The following HNRNPA1L2 variants were observed in gnomAD, a reference collection of about 807,000 sequenced individuals.
The protein encoded by HNRNPA1L2 is heterogeneous nuclear ribonucleoprotein A1 like 2.
HNRNPA1L2 carries 10 observed loss-of-function variants against 18.2 expected under a neutral mutation model. The ratio of observed to expected loss-of-function variants is 0.55; its 90% CI spans 0.34 to 0.93. The LOEUF is 0.93. Among genes scored for constraint, HNRNPA1L2 ranks in the 40% least tolerant of loss-of-function variants. The pLI is 0.02. For missense variants in HNRNPA1L2, 308 were observed against 394.4 expected (o/e 0.78, Z 1.85); for synonymous variants, 124 against 138.6 (o/e 0.89, Z 0.74).
At chr13:52,641,839 G>T (rs1961667018), upstream of HNRNPA1L2, 1 of 152,150 alleles carries the variant, frequency 6.6e-6, no homozygotes, top group Non-Finnish European at 1.5e-5. Context: ...GAAGCAAACA[G>T]AAAAACCCAA....
At chr13:52,625,258 G>C in the HNRNPA1L2 span, among the ~76,000 whole-genome samples, 498 of 151,880 alleles carry the variant, frequency 3.3e-3, 3 homozygotes, top group African/African-American at 0.011. Context: ...GGGATTACAG[G>C]TGCACTCCAC....
the HNRNPA1L2 span, among the ~76,000 whole-genome samples, chr13:52,623,601 A>G: frequency 2.0e-5 from 3 of 152,200 alleles, no homozygotes; most frequent in Non-Finnish European, 2.9e-5. Context: ...GTGTCTTTTA[A>G]TGATTTTTGC....
the HNRNPA1L2 span, among the ~76,000 whole-genome samples, chr13:52,621,760 G>A: frequency 6.6e-6 from 1 of 152,096 alleles, no homozygotes; most frequent in Non-Finnish European, 1.5e-5. Flanking sequence ...GCAAAATGGA[G>A]ACCTTAGGGA....
chr13:52,620,935 ATCAGCT>A, the HNRNPA1L2 span, among the ~76,000 whole-genome samples: 22 of 152,330 alleles, frequency 1.4e-4, no homozygotes, highest in African/African-American at 5.3e-4. Flanking sequence ...GCTGTAGCAC[ATCAGCT>A]TCATATAAGT....
upstream of HNRNPA1L2, chr13:52,641,808 T>C (rs1961666230): frequency 6.6e-6 from 1 of 152,180 alleles, no homozygotes; most frequent in Non-Finnish European, 1.5e-5. Flanking sequence ...GCAATTAGAA[T>C]AAGAATGTTT....
the HNRNPA1L2 span, among the ~76,000 whole-genome samples, chr13:52,622,929 T>C: frequency 2.0e-5 from 3 of 152,158 alleles, no homozygotes; most frequent in African/African-American, 7.2e-5. Context: ...GGTGTGTGGC[T>C]TTAGGATACC....
chr13:52,643,124 G>C lies in HNRNPA1L2; in HGVS notation c.632G>C (p.Gly211Ala). 6.3e-7 allele frequency: 1 copy of C among 1,597,996 alleles called. No individual in the cohort carries two copies. The highest frequency in any genetic ancestry group is 2.1e-4 in the Middle Eastern group (1 of 4,762). ...NFGGGRGDGF[G>A]GNDNFGRGGN... Reference sequence around the variant, plus strand: ...GGTGGTGGTCGTGGAGATGGTTTCGGTGGGAATGACAACTTTGGTCGTGGA... The same window carrying C: ...GGTGGTGGTCGTGGAGATGGTTTCGCTGGGAATGACAACTTTGGTCGTGGA... The change falls in exon 1 of 1, where the codon GGT becomes GCT. Residue 211 changes from glycine to alanine, a missense_variant. Coordinates refer to ENST00000357495, the MANE Select transcript of HNRNPA1L2 (RefSeq NM_001389320.1).
the HNRNPA1L2 span, among the ~76,000 whole-genome samples, chr13:52,619,919 C>CAAAAAAAAAAAAA: frequency 2.9e-5 from 2 of 69,148 alleles, no homozygotes; most frequent in African/African-American, 5.6e-5. Flanking sequence ...GATTCCGTCT[C>CAAAAAAAAAAAAA]AAAAAAAAAA....
At chr13:52,626,536 T>G in the HNRNPA1L2 span, among the ~76,000 whole-genome samples, 2 of 152,154 alleles carry the variant, frequency 1.3e-5, no homozygotes, top group African/African-American at 4.8e-5. Flanking sequence ...TTTTAAAAGC[T>G]TTTTCTTATG....
upstream of HNRNPA1L2, among the ~76,000 whole-genome samples, chr13:52,639,880 T>G (rs1566162083): frequency 8.8e-6 from 1 of 113,440 alleles, no homozygotes; most frequent in Non-Finnish European, 2.0e-5. Context: ...GTTCTTGTTT[T>G]TTTTTTTTTT....
upstream of HNRNPA1L2, among the ~76,000 whole-genome samples, chr13:52,639,225 C>T (rs1961562431): frequency 6.6e-6 from 1 of 152,168 alleles, no homozygotes; most frequent in African/African-American, 2.4e-5. Context: ...AATTCATGAG[C>T]TATTCAACCC....
chr13:52,635,288 A>T, the HNRNPA1L2 span, among the ~76,000 whole-genome samples: 1 of 152,178 alleles, frequency 6.6e-6, no homozygotes. Context: ...AGGGGGCTTG[A>T]CAAAAGTGTG....
the HNRNPA1L2 span, among the ~76,000 whole-genome samples, chr13:52,624,315 T>C: frequency 2.6e-5 from 4 of 152,110 alleles, no homozygotes; most frequent in Non-Finnish European, 4.4e-5. Context: ...GGTTTCACCA[T>C]GTTGGCCAGG....
At chr13:52,631,488 C>T in the HNRNPA1L2 span, among the ~76,000 whole-genome samples, 3 of 152,120 alleles carry the variant, frequency 2.0e-5, no homozygotes, top group Non-Finnish European at 2.9e-5. Context: ...TCCTGTTCAC[C>T]GGACGTTCGG....
chr13:52,620,419 A>T, the HNRNPA1L2 span, among the ~76,000 whole-genome samples: 1 of 152,234 alleles, frequency 6.6e-6, no homozygotes, highest in East Asian at 1.9e-4. Flanking sequence ...CGAGAATAAT[A>T]AAACCTATCC....
upstream of HNRNPA1L2, chr13:52,640,676 A>C (rs1490303395): frequency 6.6e-6 from 1 of 152,208 alleles, no homozygotes. Flanking sequence ...CTCCAGAGAC[A>C]CACTGGGGTT....
the HNRNPA1L2 span, among the ~76,000 whole-genome samples, chr13:52,618,704 G>A: frequency 1.3e-5 from 2 of 152,146 alleles, no homozygotes; most frequent in Non-Finnish European, 2.9e-5. Flanking sequence ...ATGTCAGGGG[G>A]CATTTTAATA....
rs1025067921 is a variant in HNRNPA1L2, at chr13:52,642,842, A to G, written c.350A>G (p.Glu117Gly). 9 of 1,596,616 alleles carry G rather than the reference A, an allele frequency of 5.6e-6. No individual in the cohort carries two copies. The East Asian group carries it at 8.9e-5, about 16-fold the overall frequency. ...GTTGGTGGCATTAAAGAAGACACTG[A>G]AGAACATCACCTAAGAGATTATTTT... ...IFVGGIKEDT[E>G]EHHLRDYFEQ... The change falls in exon 1 of 1, where the codon GAA (glutamate) becomes GGA (glycine). Residue 117 changes from glutamate to glycine, a missense_variant. Glu to Gly is a moderately conservative substitution (Grantham distance 98). Transcript: ENST00000357495.
chr13:52,619,344 A>T, the HNRNPA1L2 span, among the ~76,000 whole-genome samples: 1 of 142,138 alleles, frequency 7.0e-6, no homozygotes, highest in South Asian at 2.3e-4. Flanking sequence ...ATGGAGTCTC[A>T]CTCTGTGGCC....
Sources: allele counts gnomAD v4.1 joint callset (sites outside exome capture counted in the v4.1 genomes callset), GRCh38; gene constraint gnomAD v4.1.1; transcripts MANE v1.5; gene names NCBI Gene and HGNC (gene_info 2026-07-23, HGNC 2026-07-21).